The following TMEM238L variants were observed in gnomAD, a reference collection of about 807,000 sequenced individuals.
TMEM238L encodes transmembrane protein 238-like.
intron 1 of TMEM238L, among the ~76,000 whole-genome samples, chr17:10,801,490 C>T (rs1018591627): frequency 2.6e-5 from 4 of 152,172 alleles, no homozygotes; most frequent in Non-Finnish European, 5.9e-5. Flanking sequence ...CTTTTATTTC[C>T]TGTTATCCCA....
At chr17:10,796,338 C>G (rs767384472) in intron 1 of TMEM238L, among the ~76,000 whole-genome samples, 1 of 152,220 alleles carries the variant, frequency 6.6e-6, no homozygotes, top group Non-Finnish European at 1.5e-5. Context: ...TGGATGTGAT[C>G]ACAGGTTCAT....
At chr17:10,800,940 A>C (rs1171974780) in intron 1 of TMEM238L, among the ~76,000 whole-genome samples, 1 of 152,196 alleles carries the variant, frequency 6.6e-6, no homozygotes, top group African/African-American at 2.4e-5. Context: ...AGCCGGTAAT[A>C]ATCATAACCA....
intron 1 of TMEM238L, among the ~76,000 whole-genome samples, chr17:10,797,634 C>T (rs1157260402): frequency 6.6e-6 from 1 of 152,132 alleles, no homozygotes; most frequent in African/African-American, 2.4e-5. Context: ...TAAACAAACT[C>T]ATGCCTTTTT....
chr17:10,796,274 C>T (rs755845035), intron 1 of TMEM238L, among the ~76,000 whole-genome samples: 1 of 152,228 alleles, frequency 6.6e-6, no homozygotes, highest in Non-Finnish European at 1.5e-5. Context: ...TCCTTGCAGG[C>T]AAAGCCGATG....
At chr17:10,795,688 G>A (rs1904520662) in exon 2 of TMEM238L, 1 of 152,206 alleles carries the variant, frequency 6.6e-6, no homozygotes, top group Admixed American at 6.5e-5. Flanking sequence ...CAGGGCTCCT[G>A]ATAAAAACCT....
chr17:10,803,326 G>A (rs1904803680), intron 1 of TMEM238L, among the ~76,000 whole-genome samples: 1 of 152,194 alleles, frequency 6.6e-6, no homozygotes, highest in African/African-American at 2.4e-5. Context: ...ACTTCCCATT[G>A]TGCCCAGAAG....
intron 1 of TMEM238L, among the ~76,000 whole-genome samples, chr17:10,799,109 G>T (rs569703366): frequency 6.6e-6 from 1 of 152,310 alleles, no homozygotes; most frequent in South Asian, 2.1e-4. Flanking sequence ...GGCTTGTGGG[G>T]CAGCCAGGCC....
intron 1 of TMEM238L, among the ~76,000 whole-genome samples, chr17:10,799,985 G>A (rs1356687399): frequency 6.6e-6 from 1 of 151,142 alleles, no homozygotes; most frequent in African/African-American, 2.4e-5. Context: ...AGGCTGGAGT[G>A]CAGTGGCGTG....
At chr17:10,797,311 G>A (rs1224180326) in intron 1 of TMEM238L, among the ~76,000 whole-genome samples, 1 of 152,018 alleles carries the variant, frequency 6.6e-6, no homozygotes, top group East Asian at 1.9e-4. Flanking sequence ...CCTAGGGCCT[G>A]GTTCAGTGAA....
At chr17:10,802,862 C>G (rs1307202132) in intron 1 of TMEM238L, among the ~76,000 whole-genome samples, 1 of 152,218 alleles carries the variant, frequency 6.6e-6, no homozygotes, top group Non-Finnish European at 1.5e-5. Context: ...CTCTCTGCCT[C>G]TTTGGTTGCA....
rs574653531 is a variant in TMEM238L, at chr17:10,799,326, T to G, written c.*119-3378A>C. 7.9e-5 allele frequency among the ~76,000 whole-genome samples: 12 copies of G among 152,366 alleles called. No individual in the cohort carries two copies. In the South Asian group the frequency reaches 2.3e-3, roughly 29 times the overall value. On this transcript the variant is annotated intron_variant, in intron 1 of 1. Coordinates refer to ENST00000581851, the Ensembl canonical transcript of TMEM238L. The stretch of plus-strand genomic sequence containing the variant: ...TATTCTTCTGCCTCAGCCTCCCAAG[T>G]AGCTGGGGTTACAGGCACATGCCAC...
chr17:10,801,645 T>A (rs528944014), intron 1 of TMEM238L, among the ~76,000 whole-genome samples: 1 of 152,300 alleles, frequency 6.6e-6, no homozygotes, highest in East Asian at 1.9e-4. Flanking sequence ...TGAATATTCT[T>A]GTGGCAGGAT....
exon 1 of TMEM238L, chr17:10,803,755 A>G (rs550142446): frequency 1.3e-5 from 5 of 399,688 alleles, no homozygotes; most frequent in East Asian, 7.1e-5. Context: ...AGACACCTCA[A>G]TGTTGAGGGA....
intron 1 of TMEM238L, 128 bp from the exon 2 acceptor site, chr17:10,796,076 C>G (rs1001816075): frequency 6.6e-6 from 1 of 152,170 alleles, no homozygotes; most frequent in African/African-American, 2.4e-5. Flanking sequence ...CTAGAGCAGC[C>G]TCTCCATGGC....
At chr17:10,803,473 C>T (rs1182430764) in intron 1 of TMEM238L, 133 bp downstream of exon 1, 2 of 336,022 alleles carry the variant, frequency 6.0e-6, no homozygotes, top group African/African-American at 4.2e-5. Context: ...GGACCTGAGG[C>T]CAGGGCCACA....
chr17:10,799,633 C>G (rs1003231388), intron 1 of TMEM238L, among the ~76,000 whole-genome samples: 2 of 152,178 alleles, frequency 1.3e-5, no homozygotes, highest in Non-Finnish European at 2.9e-5. Flanking sequence ...ACAATCTGCC[C>G]GTAAATCGTG....
intron 1 of TMEM238L, among the ~76,000 whole-genome samples, chr17:10,801,213 G>C (rs1292958584): frequency 3.3e-5 from 5 of 152,116 alleles, no homozygotes; most frequent in African/African-American, 4.8e-5. Flanking sequence ...ACTGCGCCCG[G>C]CTAATTTTTT....
chr17:10,800,773 A>G (rs1904713374), intron 1 of TMEM238L, among the ~76,000 whole-genome samples: 1 of 152,176 alleles, frequency 6.6e-6, no homozygotes, highest in African/African-American at 2.4e-5. Context: ...GAAAGGAATA[A>G]AACTGGATTC....
intron 1 of TMEM238L, among the ~76,000 whole-genome samples, chr17:10,799,718 T>C (rs1244872830): frequency 1.3e-5 from 2 of 152,196 alleles, no homozygotes; most frequent in Non-Finnish European, 2.9e-5. Flanking sequence ...TTTTCAAATA[T>C]TTTTTGGCAT....
Sources: gnomAD v4.1 joint callset for allele counts (sites outside exome capture counted in the v4.1 genomes callset) on GRCh38, gnomAD v4.1.1 for gene constraint, MANE v1.5 for transcripts, NCBI Gene and HGNC (gene_info 2026-07-23, HGNC 2026-07-21) for gene names.